Variants in PRKDC observed in about 807,000 individuals in gnomAD.
The protein encoded by PRKDC is protein kinase, DNA-activated, catalytic subunit.
In PRKDC, 82 loss-of-function variants were observed where a neutral mutation model predicts 486.9. That is an observed-to-expected ratio of 0.17 (90% CI 0.14 to 0.20). PRKDC has a LOEUF of 0.20. Among genes scored for constraint, PRKDC ranks in the 10% least tolerant of loss-of-function variants. PRKDC has a pLI of 1.00. For missense variants in PRKDC, 4,504 were observed against 5,038.2 expected (o/e 0.89, Z 3.21); for synonymous variants, 1,895 against 1,837.0 (o/e 1.03, Z -0.81).
Position 47,870,391 on chromosome 8 carries a change from C to G in PRKDC, c.5364-5628G>C, listed in dbSNP as rs752656020. Among the ~76,000 whole-genome samples the G allele has an allele frequency of 2.3e-4, 35 of 152,308 alleles. 2 individuals are homozygous for G. The highest frequency in any genetic ancestry group is 4.3e-4 in the Non-Finnish European group (29 of 68,034). ...AAAAGTAAGTAAAGGAAACAAGAGT[C>G]TCTGCCTGGTAATCCAGGGAATTTT... On this transcript the variant is annotated intron_variant, in intron 40 of 85. Transcript: ENST00000314191.
chr8:47,794,855 T>C (rs376584509), intron 73 of PRKDC, among the ~76,000 whole-genome samples: 65 of 152,360 alleles, frequency 4.3e-4, no homozygotes, highest in African/African-American at 1.5e-3. Context: ...TCACAGGTAA[T>C]GCTGCAGTAG....
rs1219089433 is a variant in PRKDC at position 47,953,385 on chromosome 8, G to C, written c.721+235C>G. Among the ~76,000 whole-genome samples the C allele has an allele frequency of 4.6e-5, 7 of 152,208 alleles. No individual in the cohort carries two copies. In the East Asian group the frequency reaches 7.7e-4, roughly 17 times the overall value. ...AAATGTGTGCACGTTAAACTGGTGA[G>C]ATCTGACAAAGCTCAGTGGACAACA... is the stretch of plus-strand genomic sequence containing the variant. On this transcript the variant is annotated intron_variant, in intron 7 of 85. Coordinates refer to ENST00000314191, the MANE Select transcript of PRKDC (RefSeq NM_006904.7).
At chr8:47,938,252 C>CAA (rs1157193258) in intron 11 of PRKDC, among the ~76,000 whole-genome samples, 25 of 143,892 alleles carry the variant, frequency 1.7e-4, no homozygotes, top group Admixed American at 4.2e-4. Context: ...ACTAAAAATA[C>CAA]AAAAAAAAAA....
At position 47,785,005 on chromosome 8, in the gene PRKDC, A is replaced by G. The variant is rs1379549725; in HGVS notation, c.11107+108T>C. 5 of 1,105,548 alleles carry G rather than the reference A, an allele frequency of 4.5e-6. No individual in the cohort carries two copies. The African/African-American group carries it at 7.9e-5, about 18-fold the overall frequency. 68.5% of individuals were successfully genotyped at this position (1,105,548 alleles called of 1,614,324 possible). Reference sequence around the variant, plus strand: ...GTGAATTTTAAAATTCTTTAAAAAAAGAAATAACTGTCAATATCCCAGTAT... The same window carrying G: ...GTGAATTTTAAAATTCTTTAAAAAAGGAAATAACTGTCAATATCCCAGTAT... On this transcript the variant is annotated intron_variant, in intron 77 of 85. Coordinates refer to ENST00000314191, the MANE Select transcript of PRKDC (RefSeq NM_006904.7).
At chr8:47,776,431 A>G (rs984412680) in intron 85 of PRKDC, among the ~76,000 whole-genome samples, 8 of 152,202 alleles carry the variant, frequency 5.3e-5, no homozygotes, top group Admixed American at 5.2e-4. Context: ...CCCAAATTGA[A>G]TTCTCATCTA....
At position 47,936,395 on chromosome 8, in the gene PRKDC, G is replaced by C. The variant is rs371084198; in HGVS notation, c.1236C>G (p.Ser412Arg). The change falls in exon 12 of 86, where the codon AGC becomes AGG. Residue 412 changes from serine (S) to arginine (R), a missense_variant. Transcript: ENST00000314191. ...AGACGCTTGCAACAGACTGGAGGAA[G>C]CTTGGCATCTGATAAACACGGTCGT... ...TGDDRVYQMP[S>R]FLQSVASVLL... 6.2e-7 allele frequency: 1 copy of C among 1,613,824 alleles called. No homozygotes were observed. Among genetic ancestry groups the C allele is most frequent in the Admixed American group, 1.7e-5 (1 of 59,994 alleles).
At position 47,854,123 on chromosome 8, in the gene PRKDC, G is replaced by C; in HGVS notation, c.6853C>G (p.Leu2285Val). Residue 2285 changes from leucine (L) to valine (V), a missense_variant, in exon 51 of 86, where the codon CTG (leucine) becomes GTG (valine). By Grantham distance (32) the Leu-to-Val change is conservative (BLOSUM62 1). Around this residue, in one of 6 missense-constraint regions of PRKDC, gnomAD observed 1,592 missense variants for 1,724.6 expected, o/e 0.92. Coordinates refer to ENST00000314191, the MANE Select transcript of PRKDC (RefSeq NM_006904.7). ...QLLGIVMAND[L>V]PPYDPQCGIQ... ...CCACACTGTGGGTCATAGGGAGGCA[G>C]GTCATTGGCCATCACGATGCCTAGC... 1 of 1,613,966 alleles carries C rather than the reference G, an allele frequency of 6.2e-7. No homozygotes were observed. The highest frequency in any genetic ancestry group is 8.5e-7 in the Non-Finnish European group (1 of 1,179,864).
In PRKDC at chr8:47,933,092, A is replaced by C. The variant is rs1192522380; in HGVS notation, c.1704T>G (p.Phe568Leu). 3 of 1,585,624 alleles carry C rather than the reference A, an allele frequency of 1.9e-6. No homozygotes were observed. The highest frequency in any genetic ancestry group is 2.6e-6 in the Non-Finnish European group (3 of 1,167,446). Residue 568 changes from phenylalanine (F) to leucine (L), a missense_variant, in exon 16 of 86, where the codon TTT (phenylalanine) becomes TTG (leucine). Transcript: ENST00000314191. ...CAACAATCTTCAAAACGGATTTTAC[A>C]AATTCATCATAAAGTAAATGATTCA... ...ESLNHLLYDE[F>L]VKSVLKIVEK...
At chr8:47,955,972 C>G in intron 3 of PRKDC, 24 bp from the exon 4 acceptor site, 1 of 1,467,588 alleles carries the variant, frequency 6.8e-7, no homozygotes, top group Non-Finnish European at 9.4e-7. Context: ...AAAAAATAAC[C>G]AAAATCATCA....
At position 47,830,654 on chromosome 8, in the gene PRKDC, A is replaced by G; in HGVS notation, c.8348T>C (p.Ile2783Thr). 1 of 1,613,988 alleles carries G rather than the reference A, an allele frequency of 6.2e-7. No homozygotes were observed. The highest frequency in any genetic ancestry group is 8.5e-7 in the Non-Finnish European group (1 of 1,179,878). Residue 2783 changes from isoleucine to threonine, a missense_variant, in exon 61 of 86, where the codon ATT becomes ACT. Transcript: ENST00000314191. ...RSYRHGDLPD[I>T]QIKHSSLITP... Reference sequence around the variant, plus strand: ...GATGAGGCTGCTGTGCTTGATCTGAATGTCAGGAAGGTCTCCGTGCCGGTA... The same window carrying G: ...GATGAGGCTGCTGTGCTTGATCTGAGTGTCAGGAAGGTCTCCGTGCCGGTA...
chr8:47,864,731 T>C lies in PRKDC; in HGVS notation c.5396A>G (p.Glu1799Gly). The C allele has an allele frequency of 6.2e-7, 1 of 1,602,642 alleles. No homozygotes were observed. The highest frequency in any genetic ancestry group is 8.5e-7 in the Non-Finnish European group (1 of 1,173,862). ...GSCVTQVGLLESVYEMFRKDD... is the reference protein window; with the variant it reads ...GSCVTQVGLLGSVYEMFRKDD... ...CTTCCTGAACATTTCATACACGCTT[T>C]CCAGAAGGCCTACTTGTGTGACACA... Residue 1799 changes from glutamate to glycine, a missense_variant, in exon 41 of 86, where the codon GAA (glutamate) becomes GGA (glycine). Physicochemically the swap from Glu to Gly is moderately conservative, Grantham distance 98. Around this residue, in one of 6 missense-constraint regions of PRKDC, gnomAD observed 1,969 missense variants for 2,068.9 expected, o/e 0.95. Coordinates refer to ENST00000314191, the MANE Select transcript of PRKDC (RefSeq NM_006904.7).
chr8:47,831,146 G>C (rs2087860642), intron 60 of PRKDC, among the ~76,000 whole-genome samples: 1 of 152,138 alleles, frequency 6.6e-6, no homozygotes, highest in Non-Finnish European at 1.5e-5. Context: ...TCCCCTCCGA[G>C]GGGGCAAAAC....
intron 15 of PRKDC, among the ~76,000 whole-genome samples, chr8:47,933,630 G>A (rs1286789299): frequency 2.0e-5 from 3 of 152,034 alleles, no homozygotes; most frequent in African/African-American, 7.2e-5. Context: ...ACATACATAC[G>A]TACAAATACA....
chr8:47,877,080 G>C (rs953630394), intron 40 of PRKDC, among the ~76,000 whole-genome samples: 2 of 152,146 alleles, frequency 1.3e-5, no homozygotes, highest in African/African-American at 4.8e-5. Context: ...AAATCCAAGG[G>C]CTAGAGGAAG....
At chr8:47,879,022 T>G (rs771687948) in intron 39 of PRKDC, among the ~76,000 whole-genome samples, 9 of 152,248 alleles carry the variant, frequency 5.9e-5, no homozygotes, top group Non-Finnish European at 7.3e-5. Flanking sequence ...CACGAAATGC[T>G]TCTCAAATAA....
At chr8:47,935,146 T>C (rs2090326957) in intron 13 of PRKDC, 88 bp from the exon 14 acceptor site, 13 of 947,840 alleles carry the variant, frequency 1.4e-5, no homozygotes, top group Non-Finnish European at 1.7e-5. Context: ...TCATTATATT[T>C]TGGAACCCAA....
chr8:47,943,069 C>T lies in PRKDC; in HGVS notation c.966+140G>A, dbSNP rs2090472459. The T allele has an allele frequency of 3.6e-6, 4 of 1,108,262 alleles. No homozygotes were observed. The South Asian group carries it at 6.8e-5, about 19-fold the overall frequency. The allele number at this position is 1,108,262 out of a possible 1,614,324, so 68.7% of individuals were successfully genotyped here. ...GTCTGGCTGCCTCCCATATGGCTGG[C>T]TGATCAACATCTTTCTGCTTTAAAT... On this transcript the variant is annotated intron_variant, in intron 10 of 85. Coordinates refer to ENST00000314191, the MANE Select transcript of PRKDC (RefSeq NM_006904.7).
At chr8:47,877,658 A>G (rs2089117282) in intron 40 of PRKDC, 66 bp downstream of exon 40, 1 of 1,385,758 alleles carries the variant, frequency 7.2e-7, no homozygotes, top group African/African-American at 1.5e-5. Flanking sequence ...TTTGGAACAG[A>G]GAGGATAATT....
chr8:47,887,128 C>T (rs1432017652), intron 35 of PRKDC, among the ~76,000 whole-genome samples: 1 of 152,144 alleles, frequency 6.6e-6, no homozygotes, highest in Non-Finnish European at 1.5e-5. Flanking sequence ...CTATTTAAGG[C>T]CAGCCCTGCA....
Sources: allele counts gnomAD v4.1 joint callset (sites outside exome capture counted in the v4.1 genomes callset), GRCh38; gene constraint gnomAD v4.1.1; regional missense constraint gnomAD v4.1.1; transcripts MANE v1.5; gene names NCBI Gene and HGNC (gene_info 2026-07-23, HGNC 2026-07-21).